APP: variants seen among roughly 807,000 people sequenced by gnomAD.
APP encodes the protein amyloid-beta precursor protein.
Under a neutral mutation model 101.4 loss-of-function variants are expected in APP, and 31 were observed. The observed-to-expected ratio is 0.31, with a 90% CI of 0.23 to 0.41. The LOEUF is 0.41. APP is among the 10% of genes least tolerant of loss of function. The pLI is 1.00. For missense variants in APP, 839 were observed against 1,003.7 expected (o/e 0.84, Z 2.22); for synonymous variants, 366 against 364.4 (o/e 1.00, Z -0.05).
At chr21:25,915,332 C>G (rs977456662) in intron 13 of APP, among the ~76,000 whole-genome samples, 1 of 152,174 alleles carries the variant, frequency 6.6e-6, no homozygotes, top group African/African-American at 2.4e-5. Flanking sequence ...TATGACTCTC[C>G]TCTCCCAAGG....
At chr21:25,905,638 C>T (rs1012935985) in intron 14 of APP, among the ~76,000 whole-genome samples, 4 of 152,140 alleles carry the variant, frequency 2.6e-5, no homozygotes, top group Admixed American at 6.5e-5. Flanking sequence ...AGAGGGAAAC[C>T]GCAGTCTTTT....
chr21:25,993,031 GT>G (rs374331849), intron 8 of APP, among the ~76,000 whole-genome samples: 20 of 152,320 alleles, frequency 1.3e-4, no homozygotes, highest in African/African-American at 3.9e-4. Flanking sequence ...CGACCCTGGG[GT>G]TAAGGTGGCA....
intron 1 of APP, among the ~76,000 whole-genome samples, chr21:26,135,259 C>T (rs754169955): frequency 5.9e-5 from 9 of 152,284 alleles, no homozygotes; most frequent in Non-Finnish European, 1.3e-4. Context: ...TATGTAACAG[C>T]ACCAGACCTT....
In APP at chr21:26,042,892, T is replaced by G. The variant is rs145254670; in HGVS notation, c.662+8108A>C. ...GGTTGCAATACTGCACTCCAGCATG[T>G]GTGACAGCAAGAACCTGTCTCCTAA... On this transcript the variant is annotated intron_variant, in intron 5 of 17. Coordinates refer to ENST00000346798, the MANE Select transcript of APP (RefSeq NM_000484.4). Among the ~76,000 whole-genome samples, 781 of 151,660 alleles carry G rather than the reference T, an allele frequency of 5.1e-3. 6 individuals carry two copies. The highest frequency in any genetic ancestry group is 8.5e-3 in the Non-Finnish European group (580 of 67,994).
intron 5 of APP, among the ~76,000 whole-genome samples, chr21:26,043,837 A>AT (rs11371097): frequency 1 from 152,231 of 152,232 alleles, 76,115 homozygotes; most frequent in Non-Finnish European, 1. Context: ...GTGGGCTGAT[A>AT]TTCTCACTTT....
At chr21:26,137,659 C>T (rs925399352) in intron 1 of APP, among the ~76,000 whole-genome samples, 1 of 152,088 alleles carries the variant, frequency 6.6e-6, no homozygotes, top group African/African-American at 2.4e-5. Flanking sequence ...TTAGGAGCTA[C>T]AATCTCTCAT....
At chr21:25,893,403 A>G (rs1367696928) in intron 16 of APP, among the ~76,000 whole-genome samples, 7 of 152,266 alleles carry the variant, frequency 4.6e-5, no homozygotes. Flanking sequence ...TGGGCAAGGC[A>G]TATTGAAAGC....
chr21:25,968,227 T>C (rs1448594802), intron 11 of APP, among the ~76,000 whole-genome samples: 3 of 152,138 alleles, frequency 2.0e-5, no homozygotes, highest in Non-Finnish European at 4.4e-5. Context: ...CACAGCTCAC[T>C]GCAGCCTTGA....
chr21:25,950,576 T>C (rs573904556), intron 13 of APP, among the ~76,000 whole-genome samples: 1 of 152,250 alleles, frequency 6.6e-6, no homozygotes, highest in Admixed American at 6.5e-5. Context: ...GAGATGGGGT[T>C]TCACCATGTT....
intron 3 of APP, among the ~76,000 whole-genome samples, chr21:26,065,866 T>C (rs1039177608): frequency 1.2e-4 from 18 of 152,200 alleles, no homozygotes; most frequent in African/African-American, 4.3e-4. Context: ...AAAGATGGAA[T>C]TGTAAGAGTA....
chr21:26,164,202 A>G (rs1275275907), intron 1 of APP, among the ~76,000 whole-genome samples: 1 of 152,180 alleles, frequency 6.6e-6, no homozygotes, highest in African/African-American at 2.4e-5. Flanking sequence ...CTGAGATCGC[A>G]CCACTGCATT....
rs5843187 is a variant in APP, at chr21:25,954,855, CA to C, written c.1588-167del. The stretch of plus-strand genomic sequence containing the variant: ...ATACAAACTTCCAAAAGAAAACTGA[CA>C]AAACACTGCTACTGTTAAAAAGGTT... On this transcript the variant is annotated intron_variant, in intron 12 of 17. Transcript: ENST00000346798. Among the ~76,000 whole-genome samples, 152,009 of 152,010 alleles carry C rather than the reference CA, an allele frequency of 1. 76,004 individuals carry two copies. The highest frequency in any genetic ancestry group is 1 in the Middle Eastern group (294 of 294).
chr21:25,926,790 T>A (rs112670722), intron 13 of APP, among the ~76,000 whole-genome samples: 89 of 151,952 alleles, frequency 5.9e-4, no homozygotes, highest in African/African-American at 2.0e-3. Flanking sequence ...AATCATGAGG[T>A]CAGGAGATCG....
intron 5 of APP, among the ~76,000 whole-genome samples, chr21:26,027,099 G>C (rs2044612740): frequency 6.6e-6 from 1 of 152,204 alleles, no homozygotes; most frequent in African/African-American, 2.4e-5. Flanking sequence ...GGAAATGACA[G>C]AGAGAAAGCT....
chr21:26,104,877 C>T (rs1351918631), intron 2 of APP, among the ~76,000 whole-genome samples: 1 of 152,042 alleles, frequency 6.6e-6, no homozygotes, highest in Non-Finnish European at 1.5e-5. Context: ...TGGTTTTGTT[C>T]TATCCTAGGA....
intron 14 of APP, among the ~76,000 whole-genome samples, chr21:25,911,347 G>A (rs948277103): frequency 3.9e-5 from 6 of 152,250 alleles, no homozygotes; most frequent in Non-Finnish European, 7.4e-5. Flanking sequence ...CCCTTCGTCC[G>A]GGAGTGTTCA....
In APP at chr21:25,955,604, A is replaced by G. The variant is rs45511695; in HGVS notation, c.1587+23T>C. On this transcript the variant is annotated intron_variant, in intron 12 of 17. Transcript: ENST00000346798. ...AATCCTGGATTGTCAAAGCTGCAGA[A>G]GATGATTATACCCCACGCTTACCTG... 57,439 of 1,613,830 alleles carry G rather than the reference A, an allele frequency of 0.036. 1,211 individuals are homozygous for G. Among genetic ancestry groups the G allele is most frequent in the South Asian group, 0.05 (4,543 of 91,050 alleles).
chr21:25,923,852 A>T (rs2039744002), intron 13 of APP, among the ~76,000 whole-genome samples: 1 of 30,450 alleles, frequency 3.3e-5, no homozygotes, highest in Non-Finnish European at 6.5e-5. Flanking sequence ...AACTAGAAAT[A>T]CCATTTGACC....
At chr21:26,004,448 C>T (rs1311617975) in intron 6 of APP, among the ~76,000 whole-genome samples, 1 of 127,904 alleles carries the variant, frequency 7.8e-6, no homozygotes, top group Non-Finnish European at 1.7e-5. Flanking sequence ...ACCCGCCACA[C>T]ACCGGCTAAT....
Sources: gnomAD v4.1 joint callset for allele counts (sites outside exome capture counted in the v4.1 genomes callset) on GRCh38, gnomAD v4.1.1 for gene constraint, MANE v1.5 for transcripts, NCBI Gene and HGNC (gene_info 2026-07-23, HGNC 2026-07-21) for gene names.